Variants in DAPK1 observed in about 807,000 individuals in gnomAD.
DAPK1 encodes the protein death-associated protein kinase 1.
In DAPK1, 56 loss-of-function variants were observed where a neutral mutation model predicts 144.9. The ratio of observed to expected loss-of-function variants is 0.39; its 90% CI spans 0.31 to 0.48. The LOEUF is 0.48. Ranked by LOEUF, DAPK1 falls within the 20% of genes least tolerant of loss-of-function variation. DAPK1 has a pLI of 0.95. For missense variants in DAPK1, 1,454 were observed against 1,875.4 expected, an observed-to-expected ratio of 0.78 and a Z score of 4.15; for synonymous variants, 690 against 749.0, an observed-to-expected ratio of 0.92 and a Z score of 1.29.
Position 87,564,660 on chromosome 9 carries a change from G to A in DAPK1, c.63-40294G>A, listed in dbSNP as rs377148157. ...GGAGGAAGGGAGAGAGAGAGATTGA[G>A]AAAAAGAAAGAGAGAGAGAGAGATG... On this transcript the variant is annotated intron_variant, in intron 2 of 25. Coordinates refer to ENST00000408954, the MANE Select transcript of DAPK1 (RefSeq NM_004938.4). 2.6e-5 allele frequency among the ~76,000 whole-genome samples: 4 copies of A among 151,788 alleles called. No homozygotes were observed. The South Asian group carries it at 8.3e-4, about 32-fold the overall frequency.
In DAPK1 at chr9:87,522,263, A is replaced by C. The variant is rs147735970; in HGVS notation, c.62+23124A>C. 5.9e-3 allele frequency among the ~76,000 whole-genome samples: 899 copies of C among 152,326 alleles called. 17 individuals carry two copies. Among genetic ancestry groups the C allele is most frequent in the Middle Eastern group, 0.02 (6 of 294 alleles). The stretch of plus-strand genomic sequence containing the variant: ...TACATCTTTTAAAATGAAATATGTA[A>C]TACATTCACACAGTTCGAAAGTCAA... On this transcript the variant is annotated intron_variant, in intron 2 of 25. Coordinates refer to ENST00000408954, the MANE Select transcript of DAPK1 (RefSeq NM_004938.4).
Position 87,648,766 on chromosome 9 carries a change from C to G in DAPK1, c.1330-15C>G, listed in dbSNP as rs765948944. 3.1e-6 allele frequency: 5 copies of G among 1,610,810 alleles called. No individual in the cohort carries two copies. Among genetic ancestry groups the G allele is most frequent in the Admixed American group, 1.7e-5 (1 of 60,002 alleles). ...CAGATGTGGCTCTGAATCACCGGCTCCTTTTCTTCTGCAGTCTGGAGAGAT... is the reference window on the plus strand; with the variant it reads ...CAGATGTGGCTCTGAATCACCGGCTGCTTTTCTTCTGCAGTCTGGAGAGAT... On this transcript the variant is annotated splice_polypyrimidine_tract_variant and intron_variant, in intron 14 of 25. Coordinates refer to ENST00000408954, the MANE Select transcript of DAPK1 (RefSeq NM_004938.4).
intron 2 of DAPK1, among the ~76,000 whole-genome samples, chr9:87,561,297 C>T (rs539387544): frequency 1.1e-4 from 17 of 152,206 alleles, no homozygotes; most frequent in South Asian, 4.1e-4. Flanking sequence ...GAGGCCAAGG[C>T]GGGCGGATCA....
chr9:87,522,822 G>C (rs546580124), intron 2 of DAPK1, among the ~76,000 whole-genome samples: 3 of 152,298 alleles, frequency 2.0e-5, no homozygotes, highest in African/African-American at 7.2e-5. Flanking sequence ...GATAAGTGTA[G>C]TTTCATCAAT....
intron 2 of DAPK1, among the ~76,000 whole-genome samples, chr9:87,588,778 A>G (rs916828040): frequency 1.3e-5 from 2 of 152,180 alleles, no homozygotes; most frequent in African/African-American, 2.4e-5. Context: ...GAAGAAGTCT[A>G]TTACAGGATT....
At chr9:87,516,403 C>G (rs1351607426) in intron 2 of DAPK1, among the ~76,000 whole-genome samples, 1 of 152,156 alleles carries the variant, frequency 6.6e-6, no homozygotes, top group Non-Finnish European at 1.5e-5. Context: ...CCTTGCCTTT[C>G]CTACTGAGCA....
At chr9:87,553,435 C>T (rs1357784953) in intron 2 of DAPK1, 1 of 152,048 alleles carries the variant, frequency 6.6e-6, no homozygotes, top group African/African-American at 2.4e-5. Context: ...GTATCCCAAG[C>T]CCTGAGCACT....
chr9:87,571,338 G>C (rs1013098094), intron 2 of DAPK1, among the ~76,000 whole-genome samples: 1 of 151,634 alleles, frequency 6.6e-6, no homozygotes, highest in Non-Finnish European at 1.5e-5. Flanking sequence ...TCATGGGCTG[G>C]TTTCTCCTGG....
In DAPK1 at chr9:87,638,061, A is replaced by G; in HGVS notation, c.403A>G (p.Ile135Val). Residue 135 changes from isoleucine (I) to valine (V), a missense_variant, in exon 4 of 26, where the codon ATC (isoleucine) becomes GTC (valine). Physicochemically the swap from Ile to Val is conservative, Grantham distance 29. Transcript: ENST00000408954. ...TGTTTACTACCTGCACTCCCTTCAA[A>G]TCGCCCACTTTGATCTTAAGGTACG... Reference protein sequence around the residue: ...NGVYYLHSLQIAHFDLKPENI... With the variant: ...NGVYYLHSLQVAHFDLKPENI... 1 of 1,612,764 alleles carries G rather than the reference A, an allele frequency of 6.2e-7. No homozygotes were observed. The highest frequency in any genetic ancestry group is 1.7e-4 in the Middle Eastern group (1 of 6,054).
At chr9:87,579,527 T>A (rs967854915) in intron 2 of DAPK1, among the ~76,000 whole-genome samples, 9 of 152,164 alleles carry the variant, frequency 5.9e-5, no homozygotes, top group Non-Finnish European at 1.2e-4. Flanking sequence ...TTAAAGCTGC[T>A]TCTGGCACCT....
intron 19 of DAPK1, among the ~76,000 whole-genome samples, chr9:87,675,852 C>CACACACAA (rs1824350841): frequency 1.2e-5 from 1 of 82,996 alleles, no homozygotes; most frequent in Non-Finnish European, 3.0e-5. Flanking sequence ...CTACCCTACA[C>CACACACAA]ACACACACAC....
At chr9:87,602,080 G>C (rs1828542274) in intron 2 of DAPK1, among the ~76,000 whole-genome samples, 1 of 152,114 alleles carries the variant, frequency 6.6e-6, no homozygotes, top group African/African-American at 2.4e-5. Flanking sequence ...GAGGGGTATG[G>C]GGTGCTCTTT....
chr9:87,592,016 C>T (rs892205919), intron 2 of DAPK1, among the ~76,000 whole-genome samples: 2 of 152,180 alleles, frequency 1.3e-5, no homozygotes, highest in African/African-American at 4.8e-5. Flanking sequence ...GCTCCAGGGC[C>T]ATTGCCACCA....
At chr9:87,673,560 A>C (rs1366276034) in intron 19 of DAPK1, among the ~76,000 whole-genome samples, 1 of 152,128 alleles carries the variant, frequency 6.6e-6, no homozygotes, top group African/African-American at 2.4e-5. Flanking sequence ...CAGGAGACTG[A>C]AGACTGCTGA....
chr9:87,702,997 T>G, intron 24 of DAPK1, 32 bp from the exon 25 acceptor site: 62 of 1,101,120 alleles, frequency 5.6e-5, no homozygotes, highest in Non-Finnish European at 7.9e-5. Context: ...CAGCTGCAGG[T>G]GAGTTAACCT....
intron 2 of DAPK1, among the ~76,000 whole-genome samples, chr9:87,604,042 G>C (rs1288262385): frequency 6.6e-6 from 1 of 152,150 alleles, no homozygotes; most frequent in African/African-American, 2.4e-5. Context: ...GGCCGGGGCT[G>C]ATCCAGTGAC....
At chr9:87,652,759 C>T (rs1295053346) in intron 17 of DAPK1, among the ~76,000 whole-genome samples, 1 of 128,476 alleles carries the variant, frequency 7.8e-6, no homozygotes, top group Non-Finnish European at 1.6e-5. Flanking sequence ...TCTGTGTCCT[C>T]CCACCTGATC....
intron 15 of DAPK1, 107 bp downstream of exon 15, chr9:87,648,986 G>A (rs1830356068): frequency 1.0e-6 from 1 of 977,152 alleles, no homozygotes; most frequent in South Asian, 1.4e-5. Flanking sequence ...TAGGCTTTCT[G>A]TCTTCCCCTA....
chr9:87,682,579 T>C (rs983049718), intron 20 of DAPK1, among the ~76,000 whole-genome samples: 5 of 152,184 alleles, frequency 3.3e-5, no homozygotes, highest in Admixed American at 2.6e-4. Context: ...GGCTGAGATT[T>C]ATATTCCCTT....
Sources: gnomAD v4.1 joint callset for allele counts (sites outside exome capture counted in the v4.1 genomes callset) on GRCh38, gnomAD v4.1.1 for gene constraint, MANE v1.5 for transcripts, NCBI Gene and HGNC (gene_info 2026-07-23, HGNC 2026-07-21) for gene names.